The following STAG1 variants were observed in gnomAD, a reference collection of about 807,000 sequenced individuals.
The protein encoded by STAG1 is cohesin subunit SA-1.
STAG1 carries 26 observed loss-of-function variants against 170.9 expected under a neutral mutation model. The ratio of observed to expected loss-of-function variants is 0.15; its 90% CI spans 0.11 to 0.21. The LOEUF is 0.21. STAG1 is among the 10% of genes least tolerant of loss of function. The pLI, the probability that STAG1 is intolerant of heterozygous loss-of-function variation, is 1.00. For synonymous variants in STAG1, 514 were observed against 497.7 expected (o/e 1.03, Z -0.44); for missense variants, 964 against 1,509.5 (o/e 0.64, Z 5.99).
At chr3:136,684,219 A>G (rs764255485) in intron 1 of STAG1, among the ~76,000 whole-genome samples, 1 of 152,218 alleles carries the variant, frequency 6.6e-6, no homozygotes, top group Non-Finnish European at 1.5e-5. Context: ...AGTAGCCAAT[A>G]TGATACTGAA....
chr3:136,507,763 C>CAA (rs1213130582), intron 7 of STAG1, among the ~76,000 whole-genome samples: 1 of 151,964 alleles, frequency 6.6e-6, no homozygotes, highest in Non-Finnish European at 1.5e-5. Flanking sequence ...TCACTTTATT[C>CAA]AATAAGGAGT....
At chr3:136,352,994 A>G (rs1936492754) in intron 28 of STAG1, among the ~76,000 whole-genome samples, 1 of 152,208 alleles carries the variant, frequency 6.6e-6, no homozygotes, top group South Asian at 2.1e-4. Flanking sequence ...TATGATGACA[A>G]TATCTCTCAT....
At chr3:136,623,289 T>A (rs1201600947) in intron 2 of STAG1, 41 bp from the exon 3 acceptor site, 2 of 1,564,084 alleles carry the variant, frequency 1.3e-6, no homozygotes, top group East Asian at 2.3e-5. Flanking sequence ...AATTAATAAG[T>A]ATAATGCATT....
intron 1 of STAG1, among the ~76,000 whole-genome samples, chr3:136,656,086 A>C (rs189554894): frequency 8.0e-4 from 122 of 152,328 alleles, no homozygotes; most frequent in Non-Finnish European, 1.4e-3. Context: ...TTCAGCCTTA[A>C]AAAAGATAAT....
chr3:136,343,137 C>G (rs1181643502), intron 30 of STAG1, among the ~76,000 whole-genome samples: 1 of 152,184 alleles, frequency 6.6e-6, no homozygotes, highest in Non-Finnish European at 1.5e-5. Context: ...GAGTAATTCA[C>G]AGCATTACCC....
At chr3:136,413,466 A>T (rs112403970) in intron 21 of STAG1, among the ~76,000 whole-genome samples, 2,577 of 149,898 alleles carry the variant, frequency 0.017, 63 homozygotes, top group African/African-American at 0.054. Flanking sequence ...TATTATTATT[A>T]TTTTTTTTTG....
chr3:136,340,659 C>A, intron 31 of STAG1, 54 bp from the exon 32 acceptor site: 1 of 1,168,466 alleles, frequency 8.6e-7, no homozygotes, highest in South Asian at 1.2e-5. Context: ...CATTTGGAGT[C>A]CTGGCTGTTT....
rs191735819 is a variant in STAG1 at position 136,372,485 on chromosome 3, T to C, written c.2371-3203A>G. Among the ~76,000 whole-genome samples, 7 of 152,278 alleles carry C rather than the reference T, an allele frequency of 4.6e-5. No individual in the cohort carries two copies. The East Asian group carries it at 1.4e-3, about 29-fold the overall frequency. ...ATCCAGTATGATATTGACTGTGGGT[T>C]TGTCATAGATAGCTCTTATTATTTT... On this transcript the variant is annotated intron_variant, in intron 23 of 33. Coordinates refer to ENST00000383202, the MANE Select transcript of STAG1 (RefSeq NM_005862.3).
chr3:136,498,210 T>TAA (rs1274164696), intron 9 of STAG1, among the ~76,000 whole-genome samples: 1 of 50,870 alleles, frequency 2.0e-5, no homozygotes, highest in African/African-American at 1.3e-4. Flanking sequence ...AAAAAAAAAA[T>TAA]TATATATATA....
chr3:136,519,697 GAA>G (rs968163773), intron 7 of STAG1, among the ~76,000 whole-genome samples: 1 of 149,044 alleles, frequency 6.7e-6, no homozygotes, highest in African/African-American at 2.5e-5. Context: ...TGGCGAATTA[GAA>G]AAAAAAAGTC....
At chr3:136,714,826 T>C (rs188190237) in intron 1 of STAG1, among the ~76,000 whole-genome samples, 16 of 148,304 alleles carry the variant, frequency 1.1e-4, no homozygotes, top group Non-Finnish European at 1.8e-4. Context: ...GCAAGATCAC[T>C]TGAACCTGGG....
intron 22 of STAG1, among the ~76,000 whole-genome samples, chr3:136,380,661 T>C (rs1175667970): frequency 6.6e-6 from 1 of 152,058 alleles, no homozygotes; most frequent in Admixed American, 6.6e-5. Flanking sequence ...CTGTTGATGA[T>C]TACTCCTTAA....
At chr3:136,391,279 C>G (rs372083680) in intron 22 of STAG1, among the ~76,000 whole-genome samples, 44 of 151,116 alleles carry the variant, frequency 2.9e-4, no homozygotes, top group East Asian at 9.7e-4. Flanking sequence ...CTACAGAAAG[C>G]AGGACAGCTC....
intron 1 of STAG1, among the ~76,000 whole-genome samples, chr3:136,707,750 C>A (rs1307734872): frequency 6.6e-6 from 1 of 152,106 alleles, no homozygotes; most frequent in Non-Finnish European, 1.5e-5. Flanking sequence ...CACACTCTTG[C>A]CGGAATTAAT....
chr3:136,719,133 T>C (rs1933049865), intron 1 of STAG1, among the ~76,000 whole-genome samples: 1 of 152,166 alleles, frequency 6.6e-6, no homozygotes, highest in Non-Finnish European at 1.5e-5. Flanking sequence ...AGCCAAATGT[T>C]TGAAACTCAA....
intron 9 of STAG1, among the ~76,000 whole-genome samples, chr3:136,489,668 A>G (rs1440444695): frequency 6.6e-6 from 1 of 152,254 alleles, no homozygotes; most frequent in East Asian, 1.9e-4. Flanking sequence ...ACATTTTCCA[A>G]AATAGAATAA....
intron 4 of STAG1, among the ~76,000 whole-genome samples, chr3:136,583,542 A>G (rs1376522479): frequency 6.6e-6 from 1 of 152,164 alleles, no homozygotes; most frequent in East Asian, 1.9e-4. Context: ...TAATCCTAGC[A>G]CTCTGGGAGG....
At chr3:136,539,406 A>G (rs1460011103) in intron 6 of STAG1, among the ~76,000 whole-genome samples, 1 of 152,226 alleles carries the variant, frequency 6.6e-6, no homozygotes, top group East Asian at 1.9e-4. Context: ...GGAGAAGAGC[A>G]CAATACACAA....
chr3:136,342,223 G>A (rs1211239462), intron 30 of STAG1, among the ~76,000 whole-genome samples: 1 of 151,938 alleles, frequency 6.6e-6, no homozygotes, highest in African/African-American at 2.4e-5. Flanking sequence ...GTTTCACCAT[G>A]TTAGTTAGGA....
Sources: allele counts gnomAD v4.1 joint callset (sites outside exome capture counted in the v4.1 genomes callset), GRCh38; gene constraint gnomAD v4.1.1; transcripts MANE v1.5; gene names NCBI Gene and HGNC (gene_info 2026-07-23, HGNC 2026-07-21).